NOS1AP: variants seen among roughly 807,000 people sequenced by gnomAD.
NOS1AP encodes the protein nitric oxide synthase 1 adaptor protein, also known as carboxyl-terminal PDZ ligand of neuronal nitric oxide synthase protein.
A neutral mutation model predicts 56.2 loss-of-function variants in NOS1AP; 21 were observed. That is an observed-to-expected ratio of 0.37 (90% CI 0.26 to 0.54). The LOEUF (loss-of-function observed/expected upper bound fraction) is 0.54. Among genes scored for constraint, NOS1AP ranks in the 20% least tolerant of loss-of-function variants. The pLI, the probability that NOS1AP is intolerant of heterozygous loss-of-function variation, is 0.84. For synonymous variants in NOS1AP, 270 were observed against 274.6 expected (o/e 0.98, Z 0.17); for missense variants, 522 against 657.8 (o/e 0.79, Z 2.26).
chr1:162,363,718 G>A, intron 8 of NOS1AP: 1 of 850,784 alleles, frequency 1.2e-6, no homozygotes, highest in Non-Finnish European at 1.4e-6. Flanking sequence ...GGTTTGGGGA[G>A]CTATATGTCA....
chr1:162,165,499 C>T (rs937636204), intron 2 of NOS1AP, among the ~76,000 whole-genome samples: 5 of 152,064 alleles, frequency 3.3e-5, no homozygotes, highest in Admixed American at 2.0e-4. Context: ...AATAATTATC[C>T]CATTGTCCAG....
At chr1:162,343,032 C>A (rs1657160819) in intron 5 of NOS1AP, among the ~76,000 whole-genome samples, 1 of 152,188 alleles carries the variant, frequency 6.6e-6, no homozygotes, top group Non-Finnish European at 1.5e-5. Context: ...AAACCATAAT[C>A]AGTTATCCAC....
chr1:162,337,049 G>A (rs1458648818), intron 5 of NOS1AP, among the ~76,000 whole-genome samples: 5 of 152,186 alleles, frequency 3.3e-5, no homozygotes, highest in Non-Finnish European at 5.9e-5. Context: ...TTTGCCTCTC[G>A]AGAAGACTCT....
chr1:162,121,803 T>C (rs748415383), intron 1 of NOS1AP, among the ~76,000 whole-genome samples: 1 of 152,228 alleles, frequency 6.6e-6, no homozygotes, highest in Non-Finnish European at 1.5e-5. Flanking sequence ...TCTCAGGAAG[T>C]AGAACCCTCA....
intron 1 of NOS1AP, among the ~76,000 whole-genome samples, chr1:162,082,840 T>A: frequency 6.6e-6 from 1 of 152,204 alleles, no homozygotes; most frequent in Non-Finnish European, 1.5e-5. Flanking sequence ...ATTGGAAATC[T>A]CAGTCCACCA....
At chr1:162,271,148 C>T (rs1175543074) in intron 2 of NOS1AP, among the ~76,000 whole-genome samples, 3 of 151,922 alleles carry the variant, frequency 2.0e-5, no homozygotes, top group African/African-American at 4.8e-5. Flanking sequence ...GGGGGGTGTG[C>T]GTGCAGTTTT....
chr1:162,078,267 C>A (rs1465079862), intron 1 of NOS1AP, among the ~76,000 whole-genome samples: 1 of 152,182 alleles, frequency 6.6e-6, no homozygotes. Context: ...GTGTTGCTGT[C>A]CCTATCACTC....
chr1:162,132,269 G>A (rs1290575657), intron 1 of NOS1AP, among the ~76,000 whole-genome samples: 1 of 152,180 alleles, frequency 6.6e-6, no homozygotes, highest in Non-Finnish European at 1.5e-5. Flanking sequence ...TCTTTGGGAA[G>A]GTGACGCACA....
At chr1:162,092,625 C>G (rs974432646) in intron 1 of NOS1AP, among the ~76,000 whole-genome samples, 2 of 152,170 alleles carry the variant, frequency 1.3e-5, no homozygotes, top group Admixed American at 6.5e-5. Flanking sequence ...TTTGCATACC[C>G]TTGCCTGGTA....
At chr1:162,223,436 G>C (rs191877409) in intron 2 of NOS1AP, among the ~76,000 whole-genome samples, 21 of 152,140 alleles carry the variant, frequency 1.4e-4, no homozygotes, top group Admixed American at 1.3e-3. Context: ...GGGGTGGGGT[G>C]GGGGAGCTCT....
intron 1 of NOS1AP, among the ~76,000 whole-genome samples, chr1:162,077,389 A>T (rs748745353): frequency 9.3e-5 from 14 of 151,334 alleles, no homozygotes; most frequent in Non-Finnish European, 1.6e-4. Flanking sequence ...TTTTTTGGCC[A>T]TTTATATATT....
chr1:162,153,555 A>G (rs569905882), intron 1 of NOS1AP, among the ~76,000 whole-genome samples: 21 of 152,346 alleles, frequency 1.4e-4, no homozygotes, highest in African/African-American at 5.0e-4. Flanking sequence ...TAGCATGTCC[A>G]CCAGTAGGGG....
chr1:162,073,873 T>C (rs1206216980), intron 1 of NOS1AP, among the ~76,000 whole-genome samples: 1 of 152,140 alleles, frequency 6.6e-6, no homozygotes, highest in Admixed American at 6.6e-5. Flanking sequence ...CTGATGCTGG[T>C]GGGTGGGTAA....
intron 1 of NOS1AP, among the ~76,000 whole-genome samples, chr1:162,094,430 A>G (rs1692195148): frequency 2.0e-5 from 3 of 152,068 alleles, no homozygotes; most frequent in Non-Finnish European, 2.9e-5. Context: ...CTCCTGCTTG[A>G]TTTATTCTTC....
chr1:162,316,555 C>A (rs915716076), intron 4 of NOS1AP, among the ~76,000 whole-genome samples: 3 of 152,166 alleles, frequency 2.0e-5, no homozygotes, highest in Non-Finnish European at 4.4e-5. Context: ...TGTGAAGAGA[C>A]CCCCAAACAG....
chr1:162,121,315 A>T (rs1357293240), intron 1 of NOS1AP, among the ~76,000 whole-genome samples: 1 of 151,600 alleles, frequency 6.6e-6, no homozygotes, highest in Non-Finnish European at 1.5e-5. Context: ...TTTAGTGGAG[A>T]CGGGGTTTGG....
chr1:162,364,481 T>C (rs1325495097), intron 8 of NOS1AP: 1 of 985,290 alleles, frequency 1.0e-6, no homozygotes, highest in Admixed American at 6.1e-5. Flanking sequence ...GTTGCCCCTG[T>C]CTCCTCCCAC....
intron 2 of NOS1AP, among the ~76,000 whole-genome samples, chr1:162,158,428 G>C (rs193173639): frequency 6.6e-6 from 1 of 152,248 alleles, no homozygotes; most frequent in African/African-American, 2.4e-5. Flanking sequence ...TGTCTTGGCT[G>C]TTGTGAATAG....
chr1:162,253,240 CA>C, intron 2 of NOS1AP, among the ~76,000 whole-genome samples: 1 of 152,282 alleles, frequency 6.6e-6, no homozygotes, highest in East Asian at 1.9e-4. Flanking sequence ...GACGATGCAG[CA>C]AGAAGGTCCT....
Sources: gnomAD v4.1 joint callset for allele counts (sites outside exome capture counted in the v4.1 genomes callset) on GRCh38, gnomAD v4.1.1 for gene constraint, MANE v1.5 for transcripts, NCBI Gene and HGNC (gene_info 2026-07-23, HGNC 2026-07-21) for gene names.